ANKRD30BL: variants seen among roughly 807,000 people sequenced by gnomAD.
ANKRD30BL encodes the protein ankyrin repeat domain 30B like, also known as putative ankyrin repeat domain-containing protein 30B-like.
Under a neutral mutation model 18.4 loss-of-function variants are expected in ANKRD30BL, and 20 were observed. The ratio of observed to expected loss-of-function variants is 1.09; its 90% confidence interval spans 0.77 to 1.58. The LOEUF is 1.58. Among genes scored for constraint, ANKRD30BL ranks in the 40% most tolerant of loss-of-function variants. ANKRD30BL has a pLI of 0.00. For missense variants in ANKRD30BL, 224 were observed against 268.6 expected, an observed-to-expected ratio of 0.83 and a Z score of 1.16; for synonymous variants, 72 against 100.9, an observed-to-expected ratio of 0.71 and a Z score of 1.72.
chr2:132,217,768 G>A (rs1429022927), intron 1 of ANKRD30BL, among the ~76,000 whole-genome samples: 14 of 152,396 alleles, frequency 9.2e-5, no homozygotes, highest in Non-Finnish European at 5.9e-5. Context: ...ATTGGAAACG[G>A]GTATATCTTC....
intron 1 of ANKRD30BL, among the ~76,000 whole-genome samples, chr2:132,236,454 A>G (rs1251070465): frequency 2.0e-5 from 3 of 152,194 alleles, no homozygotes; most frequent in Non-Finnish European, 4.4e-5. Context: ...CCCATCAAAA[A>G]GTGGGCAAAG....
chr2:132,243,483 C>G (rs1408380870), intron 1 of ANKRD30BL, among the ~76,000 whole-genome samples: 1 of 151,604 alleles, frequency 6.6e-6, no homozygotes, highest in Non-Finnish European at 1.5e-5. Context: ...TTTGATACAG[C>G]AGTTTTGAAA....
chr2:132,232,331 T>C (rs1445516711), intron 1 of ANKRD30BL, among the ~76,000 whole-genome samples: 2 of 152,188 alleles, frequency 1.3e-5, no homozygotes, highest in African/African-American at 4.8e-5. Context: ...CAAAGCTGGA[T>C]GGAGAATGAC....
chr2:132,151,452 A>C (rs944860944), intron 4 of ANKRD30BL, among the ~76,000 whole-genome samples: 6 of 152,122 alleles, frequency 3.9e-5, no homozygotes, highest in African/African-American at 1.4e-4. Flanking sequence ...TGCTGAAACA[A>C]TTTAAAATTC....
At position 132,161,486 on chromosome 2, in the gene ANKRD30BL, A is replaced by T; in HGVS notation, c.218+2T>A. 6.9e-7 allele frequency: 1 copy of T among 1,454,512 alleles called. No homozygotes were observed. The highest frequency in any genetic ancestry group is 9.4e-7 in the Non-Finnish European group (1 of 1,061,664). The allele number at this position is 1,454,512 out of a possible 1,614,324, so 90.1% of individuals were successfully genotyped here. On this transcript the variant is annotated splice_donor_variant, in intron 1 of 5. Coordinates refer to ENST00000409867, the MANE Select transcript of ANKRD30BL (RefSeq NM_001358416.1). LOFTEE classifies it high-confidence loss of function. ...AGCCCCGGCTCAGGCAGGGCCTGGT[A>T]CCTCTTCTTCGCATCTCTTATGTTC... is the stretch of plus-strand genomic sequence containing the variant.
In ANKRD30BL at chr2:132,211,633, G is replaced by A. The variant is rs369831893; in HGVS notation, n.441+45896C>T. Among the ~76,000 whole-genome samples, 39 of 152,196 alleles carry A rather than the reference G, an allele frequency of 2.6e-4. 1 individual carries two copies. The East Asian group carries it at 7.1e-3, about 28-fold the overall frequency. On this transcript the variant is annotated intron_variant and non_coding_transcript_variant, in intron 1 of 4. Coordinates refer to the ANKRD30BL transcript ENST00000470729. ...TTGATGTGTGCATTCATCTCACAGA[G>A]TTGAACTTTACTTTTGATTGAGCAG...
intron 1 of ANKRD30BL, among the ~76,000 whole-genome samples, chr2:132,247,334 A>G (rs2104804550): frequency 6.6e-6 from 1 of 152,068 alleles, no homozygotes; most frequent in East Asian, 1.9e-4. Flanking sequence ...CATAAAAACT[A>G]GAGAGAAGCA....
At chr2:132,201,022 C>T (rs368499432) in intron 1 of ANKRD30BL, among the ~76,000 whole-genome samples, 2 of 152,066 alleles carry the variant, frequency 1.3e-5, no homozygotes, top group Non-Finnish European at 2.9e-5. Context: ...TTTGACAAAC[C>T]TGAGAAAAAC....
At chr2:132,154,011 T>C (rs1209844303) in intron 4 of ANKRD30BL, among the ~76,000 whole-genome samples, 1 of 152,188 alleles carries the variant, frequency 6.6e-6, no homozygotes, top group African/African-American at 2.4e-5. Context: ...TATAATATTT[T>C]GTACTTCAAA....
rs748092432 is a variant in ANKRD30BL, at chr2:132,253,872, G to GCGGGC, written n.441+3652_441+3656dup. ...CTAGCGGGAAGGCTGGGGAGAGCAA[G>GCGGGC]CGGGCCGGGCCGGGCCAGTGGCATG... On this transcript the variant is annotated intron_variant and non_coding_transcript_variant, in intron 1 of 4. Transcript: ENST00000470729. Among the ~76,000 whole-genome samples the GCGGGC allele has an allele frequency of 3.4e-3, 515 of 152,196 alleles. 2 individuals are homozygous for GCGGGC. Among genetic ancestry groups the GCGGGC allele is most frequent in the Non-Finnish European group, 6.0e-3 (408 of 67,966 alleles).
chr2:132,164,269 C>CTTTTTTTTTTTTTTTTTTTTTTTTTTT (rs796313755), upstream of ANKRD30BL, among the ~76,000 whole-genome samples: 14 of 112,216 alleles, frequency 1.2e-4, no homozygotes, highest in East Asian at 1.6e-3. Context: ...TTTTCTTTTT[C>CTTTTTTTTTTTTTTTTTTTTTTTTTTT]TTTTTTTTTT....
chr2:132,199,409 G>A (rs1432479772), intron 1 of ANKRD30BL, among the ~76,000 whole-genome samples: 1 of 151,994 alleles, frequency 6.6e-6, no homozygotes, highest in African/African-American at 2.4e-5. Flanking sequence ...TATCTGCCAG[G>A]CACTGTGCTA....
intron 1 of ANKRD30BL, among the ~76,000 whole-genome samples, chr2:132,225,969 A>T (rs1407731863): frequency 6.6e-6 from 1 of 151,684 alleles, no homozygotes; most frequent in African/African-American, 2.4e-5. Flanking sequence ...GCAAGTGGAC[A>T]TTTGGAGCCC....
At chr2:132,233,115 C>A (rs1472573628) in intron 1 of ANKRD30BL, among the ~76,000 whole-genome samples, 24 of 151,470 alleles carry the variant, frequency 1.6e-4, no homozygotes, top group Admixed American at 1.3e-3. Context: ...AAATAAAATA[C>A]TTTACAGACA....
Position 132,167,275 on chromosome 2 carries a change from T to TTTTTATTTTATTTTATTTTATTTTA in ANKRD30BL, n.442-10154_442-10130dup, listed in dbSNP as rs71001175. On this transcript the variant is annotated intron_variant and non_coding_transcript_variant, in intron 1 of 4. Coordinates refer to the ANKRD30BL transcript ENST00000470729. ...TATAAACATTAATTACATTCATTTA[T>TTTTTATTTTATTTTATTTTATTTTA]TTTTATTTTATTTTATTTTATTTTA... Among the ~76,000 whole-genome samples, 168 of 111,196 alleles carry TTTTTATTTTATTTTATTTTATTTTA rather than the reference T, an allele frequency of 1.5e-3. 4 individuals are homozygous for TTTTTATTTTATTTTATTTTATTTTA. Among genetic ancestry groups the TTTTTATTTTATTTTATTTTATTTTA allele is most frequent in the African/African-American group, 5.3e-3 (150 of 28,072 alleles). 72.9% of individuals were successfully genotyped at this position (111,196 alleles called of 152,430 possible).
intron 1 of ANKRD30BL, among the ~76,000 whole-genome samples, chr2:132,190,925 G>A (rs1056754012): frequency 9.2e-5 from 14 of 151,972 alleles, no homozygotes; most frequent in Admixed American, 7.9e-4. Flanking sequence ...TATAATGGAT[G>A]GAAGCAAATT....
chr2:132,176,314 G>T (rs546482275), intron 1 of ANKRD30BL, among the ~76,000 whole-genome samples: 98 of 151,984 alleles, frequency 6.4e-4, no homozygotes, highest in African/African-American at 2.3e-3. Flanking sequence ...TAGATCAGGA[G>T]GTCAGGAGTT....
chr2:132,238,047 G>A (rs948995351), intron 1 of ANKRD30BL, among the ~76,000 whole-genome samples: 2 of 151,946 alleles, frequency 1.3e-5, no homozygotes, highest in Admixed American at 1.3e-4. Context: ...CCGTTTCATA[G>A]AACAGTTTTG....
intron 1 of ANKRD30BL, among the ~76,000 whole-genome samples, chr2:132,200,576 C>T (rs991495851): frequency 1.9e-4 from 29 of 152,238 alleles, no homozygotes; most frequent in African/African-American, 5.8e-4. Context: ...ACCTAGGAAT[C>T]GGACTTACAA....
Sources: gnomAD v4.1 joint callset for allele counts (sites outside exome capture counted in the v4.1 genomes callset) on GRCh38, gnomAD v4.1.1 for gene constraint, MANE v1.5 for transcripts, NCBI Gene and HGNC (gene_info 2026-07-23, HGNC 2026-07-21) for gene names.